Variants in ADGRV1 observed in about 807,000 individuals in gnomAD.
ADGRV1 encodes adhesion G protein-coupled receptor V1.
In ADGRV1, 359 loss-of-function variants were observed where a neutral mutation model predicts 596.2. The observed-to-expected ratio is 0.60, with a 90% CI of 0.55 to 0.66. The LOEUF (loss-of-function observed/expected upper bound fraction) is 0.66. ADGRV1 is among the 30% of genes least tolerant of loss of function. The pLI is 0.00. For missense variants in ADGRV1, 7,274 were observed against 7,575.6 expected, an observed-to-expected ratio of 0.96 and a Z score of 1.48; for synonymous variants, 2,681 against 2,679.2, an observed-to-expected ratio of 1.00 and a Z score of -0.02.
At chr5:90,932,556 A>G (rs1775339650) in intron 83 of ADGRV1, among the ~76,000 whole-genome samples, 1 of 152,218 alleles carries the variant, frequency 6.6e-6, no homozygotes, top group Non-Finnish European at 1.5e-5. Flanking sequence ...AGAAAAACAC[A>G]ATGTGTTTGA....
rs142725938 is a variant in ADGRV1, at chr5:91,135,673, A to G, written c.18433-14357A>G. Among the ~76,000 whole-genome samples, 1,445 of 152,258 alleles carry G rather than the reference A, an allele frequency of 9.5e-3. 25 individuals carry two copies. The highest frequency in any genetic ancestry group is 0.033 in the African/African-American group (1,361 of 41,532). ...ATACAGGCTTTTCTGGAGTTCATAT[A>G]TTCACTCATCTACCCAACAACTATT... On this transcript the variant is annotated intron_variant, in intron 87 of 89. Coordinates refer to ENST00000405460, the MANE Select transcript of ADGRV1 (RefSeq NM_032119.4).
chr5:90,959,877 C>A (rs369768660), intron 83 of ADGRV1, among the ~76,000 whole-genome samples: 1 of 152,138 alleles, frequency 6.6e-6, no homozygotes. Context: ...CAGTGGCTCA[C>A]GCCTGTAATC....
chr5:90,722,995 G>C (rs1751288097), intron 45 of ADGRV1, among the ~76,000 whole-genome samples: 1 of 152,034 alleles, frequency 6.6e-6, no homozygotes, highest in South Asian at 2.1e-4. Context: ...GCAGATACCA[G>C]CAGAAGAGTG....
At chr5:90,944,092 C>A (rs191985316) in intron 83 of ADGRV1, among the ~76,000 whole-genome samples, 5 of 152,058 alleles carry the variant, frequency 3.3e-5, no homozygotes, top group African/African-American at 1.2e-4. Context: ...AGCTTTAAGT[C>A]CATTTTATTC....
chr5:90,971,708 A>C (rs1321822217), intron 84 of ADGRV1, among the ~76,000 whole-genome samples: 1 of 152,220 alleles, frequency 6.6e-6, no homozygotes, highest in Non-Finnish European at 1.5e-5. Flanking sequence ...GAAGCACTAA[A>C]CATGGAAAGG....
intron 85 of ADGRV1, among the ~76,000 whole-genome samples, chr5:90,998,532 C>CT (rs1055711930): frequency 1.3e-5 from 2 of 151,818 alleles, no homozygotes; most frequent in African/African-American, 4.8e-5. Flanking sequence ...TTTAATCAAC[C>CT]TTTTTGACAG....
At chr5:90,768,321 G>T (rs192975847) in intron 59 of ADGRV1, among the ~76,000 whole-genome samples, 12 of 152,194 alleles carry the variant, frequency 7.9e-5, no homozygotes, top group Non-Finnish European at 1.6e-4. Context: ...TATATGTCTA[G>T]TTCTGAATAT....
intron 60 of ADGRV1, 99 bp downstream of exon 60, chr5:90,774,402 C>T (rs1758002001): frequency 1.5e-6 from 1 of 670,380 alleles, no homozygotes; most frequent in Non-Finnish European, 2.6e-6. Context: ...GGTTAGGTTT[C>T]ATAATTCCTA....
chr5:90,603,220 C>G (rs1371882399), intron 1 of ADGRV1, among the ~76,000 whole-genome samples: 2 of 152,206 alleles, frequency 1.3e-5, no homozygotes, highest in Admixed American at 1.3e-4. Context: ...GAAGCCCCAA[C>G]ATTTTGTTCT....
intron 87 of ADGRV1, among the ~76,000 whole-genome samples, chr5:91,124,819 T>C (rs1351863159): frequency 6.6e-6 from 1 of 152,248 alleles, no homozygotes; most frequent in Non-Finnish European, 1.5e-5. Flanking sequence ...TGTAAACTTT[T>C]CTATAATGCT....
chr5:90,916,538 C>A (rs1055268769), intron 83 of ADGRV1, among the ~76,000 whole-genome samples: 12 of 152,016 alleles, frequency 7.9e-5, no homozygotes, highest in African/African-American at 2.4e-4. Context: ...ATAGTTTCAT[C>A]CACAGTGTAC....
chr5:90,825,906 C>G (rs1384481417), intron 76 of ADGRV1: 5 of 152,126 alleles, frequency 3.3e-5, no homozygotes, highest in Admixed American at 6.6e-5. Context: ...ATATGATATT[C>G]AAATCGTAGA....
At chr5:90,917,846 G>A (rs982413031) in intron 83 of ADGRV1, among the ~76,000 whole-genome samples, 4 of 151,884 alleles carry the variant, frequency 2.6e-5, no homozygotes, top group Non-Finnish European at 5.9e-5. Context: ...TCTGTCATTT[G>A]TACCATCATC....
chr5:90,833,029 G>T (rs1764649584), intron 77 of ADGRV1, among the ~76,000 whole-genome samples: 1 of 152,106 alleles, frequency 6.6e-6, no homozygotes, highest in Non-Finnish European at 1.5e-5. Flanking sequence ...TTGAAATCAG[G>T]TAATGTGATT....
intron 85 of ADGRV1, among the ~76,000 whole-genome samples, chr5:90,992,225 T>A (rs1781027899): frequency 6.6e-6 from 1 of 152,246 alleles, no homozygotes; most frequent in Non-Finnish European, 1.5e-5. Flanking sequence ...TTCAAATTCT[T>A]ATTCAAAGGC....
At chr5:91,093,869 T>G (rs1790600815) in intron 86 of ADGRV1, among the ~76,000 whole-genome samples, 1 of 150,378 alleles carries the variant, frequency 6.6e-6, no homozygotes, top group African/African-American at 2.5e-5. Flanking sequence ...TTTTTTTTTT[T>G]GAGATAGAGT....
intron 83 of ADGRV1, among the ~76,000 whole-genome samples, chr5:90,896,648 G>A (rs1771352521): frequency 6.6e-6 from 1 of 152,064 alleles, no homozygotes; most frequent in South Asian, 2.1e-4. Context: ...CACTTTAATA[G>A]GTAATGTATC....
rs1748203883 is a variant in ADGRV1, at chr5:90,703,696, T to A, written c.8187T>A (p.Thr2729=). The change falls in exon 35 of 90, where the codon ACT becomes ACA. Residue 2729 remains threonine, a synonymous_variant. Coordinates refer to ENST00000405460, the MANE Select transcript of ADGRV1 (RefSeq NM_032119.4). ...TTTTACAATTCCATGTGATAAGAAC[T>A]TTCCCTGGTCGAGGAAATGTTACTG... ...GEILQFHVIR[T]FPGRGNVTVN... 2 of 1,604,762 alleles carry A rather than the reference T, an allele frequency of 1.2e-6. No homozygotes were observed. The highest frequency in any genetic ancestry group is 4.5e-5 in the East Asian group (2 of 44,674).
rs574391747 is a variant in ADGRV1, at chr5:90,816,701, G to A, written c.16196+965G>A. Among the ~76,000 whole-genome samples, 380 of 151,838 alleles carry A rather than the reference G, an allele frequency of 2.5e-3. 1 individual carries two copies. The highest frequency in any genetic ancestry group is 8.9e-3 in the African/African-American group (368 of 41,360). On this transcript the variant is annotated intron_variant, in intron 75 of 89. Transcript: ENST00000405460. The stretch of plus-strand genomic sequence containing the variant: ...CTTGCGATAGTTTGCTGAGAATGAT[G>A]GTTTCCAGCTTCATCCATGTCCCTA...
Sources: gnomAD v4.1 joint callset for allele counts (sites outside exome capture counted in the v4.1 genomes callset) on GRCh38, gnomAD v4.1.1 for gene constraint, MANE v1.5 for transcripts, NCBI Gene and HGNC (gene_info 2026-07-23, HGNC 2026-07-21) for gene names.